The following ABCA10 variants were observed in gnomAD, a reference collection of about 807,000 sequenced individuals.
ABCA10 encodes ATP binding cassette subfamily A member 10.
A neutral mutation model predicts 187.5 loss-of-function variants in ABCA10; 169 were observed. That is an observed-to-expected ratio of 0.90 (90% CI 0.80 to 1.02). The LOEUF (loss-of-function observed/expected upper bound fraction) is 1.02, where lower values mean the gene tolerates loss of function less well. ABCA10 is among the 50% of genes least tolerant of loss of function. The pLI is 0.00. For synonymous variants in ABCA10, 574 were observed against 601.8 expected (o/e 0.95, Z 0.68); for missense variants, 1,727 against 1,812.4 (o/e 0.95, Z 0.86).
At chr17:69,210,491 T>C (rs922744761) in intron 9 of ABCA10, among the ~76,000 whole-genome samples, 1 of 151,908 alleles carries the variant, frequency 6.6e-6, no homozygotes, top group Non-Finnish European at 1.5e-5. Context: ...GCCCGGCCTT[T>C]AGTGGTTATT....
At chr17:69,206,781 G>T (rs2074595072) in intron 9 of ABCA10, among the ~76,000 whole-genome samples, 2 of 152,132 alleles carry the variant, frequency 1.3e-5, no homozygotes, top group African/African-American at 4.8e-5. Context: ...ATGGAGTAAA[G>T]ACTTAAAAGT....
intron 27 of ABCA10, among the ~76,000 whole-genome samples, chr17:69,157,911 AG>A (rs1041387008): frequency 2.6e-5 from 4 of 151,862 alleles, no homozygotes; most frequent in Non-Finnish European, 4.4e-5. Flanking sequence ...GACCTTAGGG[AG>A]GGGGGGATTT....
At chr17:69,180,050 T>C (rs950695381) in intron 22 of ABCA10, among the ~76,000 whole-genome samples, 2 of 152,206 alleles carry the variant, frequency 1.3e-5, no homozygotes, top group African/African-American at 4.8e-5. Context: ...GTAATGATAA[T>C]AATGGCTCAT....
Position 69,156,883 on chromosome 17 carries a change from C to T in ABCA10, c.3404G>A (p.Cys1135Tyr), listed in dbSNP as rs2074178537. Residue 1135 changes from cysteine to tyrosine, a missense_variant, in exon 28 of 39, where the codon TGT (cysteine) becomes TAT (tyrosine). Transcript: ENST00000690296. ...QSVIFLFVIR[C>Y]LEMKYGNEIM... ...TTCATTTCCATACTTCATTTCCAGA[C>T]ACCTTATGACAAAAAGGAAAATAAC... 1.3e-6 allele frequency: 2 copies of T among 1,586,998 alleles called. No homozygotes were observed. The highest frequency in any genetic ancestry group is 1.7e-6 in the Non-Finnish European group (2 of 1,167,516).
At chr17:69,211,665 G>GT in intron 9 of ABCA10, among the ~76,000 whole-genome samples, 1 of 152,050 alleles carries the variant, frequency 6.6e-6, no homozygotes, top group African/African-American at 2.4e-5. Flanking sequence ...CTCACTGCTT[G>GT]TTATTGGTCT....
At position 69,182,882 on chromosome 17, in the gene ABCA10, T is replaced by C. The variant is rs571797489; in HGVS notation, c.2498-74A>G. On this transcript the variant is annotated intron_variant, in intron 20 of 38. Transcript: ENST00000690296. The stretch of plus-strand genomic sequence containing the variant: ...AAATCAAAGTCAAAGCTTAAAATAA[T>C]AATGATTGCCAATCGTGTTAAGAAA... 4.7e-6 allele frequency: 7 copies of C among 1,504,590 alleles called. No individual in the cohort carries two copies. In the African/African-American group the frequency reaches 7.1e-5, roughly 15 times the overall value. 93.2% of individuals were successfully genotyped at this position (1,504,590 alleles called of 1,614,324 possible).
rs756631105 is a variant in ABCA10, at chr17:69,174,389, T to G, written c.3054A>C (p.Val1018=). The G allele has an allele frequency of 1.4e-5, 22 of 1,584,914 alleles. 1 individual carries two copies. The highest frequency in any genetic ancestry group is 5.6e-5 in the Admixed American group (3 of 53,544). ...GAGAAACTGCACAACCAATTATGCA[T>G]ACCACCTGCAAATAATGAGGATCAA... ...LSWELMFVLV[V]CIIGCAVSLI... is the part of the protein sequence containing the mutation. The change falls in exon 25 of 39, where the codon GTA becomes GTC. Residue 1018 remains valine, a synonymous_variant. Transcript: ENST00000690296.
rs1271135569 is a variant in ABCA10, at chr17:69,152,149, A to G, written c.4291T>C (p.Phe1431Leu). 1.2e-6 allele frequency: 2 copies of G among 1,613,348 alleles called. No individual in the cohort carries two copies. ...ATTTCTAGTAAATAATCTCTACCAA[A>G]CTTGTTTTTCAGATGTTGAATGGAA... The part of the protein sequence containing the change: ...IGSIQHLKNK[F>L]GRDYLLEIKM... The change falls in exon 36 of 39, where the codon TTT becomes CTT. Residue 1431 changes from phenylalanine to leucine, a missense_variant. Coordinates refer to ENST00000690296, the MANE Select transcript of ABCA10 (RefSeq NM_001377321.1).
intron 4 of ABCA10, 55 bp downstream of exon 4, chr17:69,222,478 C>T: frequency 7.4e-7 from 1 of 1,355,400 alleles, no homozygotes; most frequent in Non-Finnish European, 9.9e-7. Flanking sequence ...TCATTCCAAA[C>T]AGGGGATTCC....
chr17:69,207,120 C>A (rs1360851888), intron 9 of ABCA10, among the ~76,000 whole-genome samples: 2 of 151,922 alleles, frequency 1.3e-5, no homozygotes, highest in Non-Finnish European at 2.9e-5. Context: ...ATAAAAATGG[C>A]CAAGAAGAAT....
At chr17:69,239,698 C>T (rs969021415) in intron 1 of ABCA10, among the ~76,000 whole-genome samples, 4 of 152,058 alleles carry the variant, frequency 2.6e-5, no homozygotes, top group Admixed American at 1.3e-4. Context: ...TGCTGCCACC[C>T]GGCCTCTATT....
intron 27 of ABCA10, among the ~76,000 whole-genome samples, chr17:69,160,639 GAATA>G (rs2074210204): frequency 6.6e-6 from 1 of 151,706 alleles, no homozygotes; most frequent in African/African-American, 2.4e-5. Flanking sequence ...CAAATAACTT[GAATA>G]AATATTTCTC....
intron 20 of ABCA10, 53 bp downstream of exon 20, chr17:69,185,424 C>T: frequency 6.5e-7 from 1 of 1,542,878 alleles, no homozygotes; most frequent in Non-Finnish European, 8.8e-7. Flanking sequence ...TATGTGCTTT[C>T]TAAAGATCTT....
chr17:69,226,905 T>C (rs2074798143), intron 2 of ABCA10, among the ~76,000 whole-genome samples: 1 of 151,860 alleles, frequency 6.6e-6, no homozygotes, highest in African/African-American at 2.4e-5. Context: ...CTGCAAAAGA[T>C]TATTTTTCAG....
rs59069489 is a variant in ABCA10 at position 69,195,554 on chromosome 17, C to CTTTTTTTT, written c.1235-1067_1235-1060dup. On this transcript the variant is annotated intron_variant, in intron 11 of 38. Transcript: ENST00000690296. ...AGCATTATCAAACAATGAAGTTTTT[C>CTTTTTTTT]TTTTTTTTTTTTTTTTTTAGTATTT... is the stretch of plus-strand genomic sequence containing the variant. 1.8e-3 allele frequency among the ~76,000 whole-genome samples: 185 copies of CTTTTTTTT among 102,874 alleles called. 11 individuals are homozygous for CTTTTTTTT. The highest frequency in any genetic ancestry group is 6.6e-3 in the African/African-American group (158 of 24,078). The allele number at this position is 102,874 out of a possible 152,430, so 67.5% of individuals were successfully genotyped here.
intron 9 of ABCA10, among the ~76,000 whole-genome samples, chr17:69,203,692 T>C (rs904743118): frequency 3.9e-5 from 6 of 152,218 alleles, no homozygotes; most frequent in African/African-American, 1.4e-4. Context: ...TGAAAGAGCC[T>C]ACATACACTA....
intron 20 of ABCA10, 103 bp downstream of exon 20, chr17:69,185,374 G>A: frequency 2.5e-6 from 3 of 1,191,300 alleles, no homozygotes; most frequent in Non-Finnish European, 3.4e-6. Flanking sequence ...AATGGAGCAA[G>A]CTGGATAGAC....
chr17:69,166,960 C>T (rs140560886), intron 25 of ABCA10, among the ~76,000 whole-genome samples: 2 of 152,068 alleles, frequency 1.3e-5, no homozygotes, highest in African/African-American at 4.8e-5. Flanking sequence ...ATCAGTACTG[C>T]CATTATCTAT....
chr17:69,226,311 C>A (rs1373418905), intron 2 of ABCA10, among the ~76,000 whole-genome samples: 1 of 152,016 alleles, frequency 6.6e-6, no homozygotes, highest in African/African-American at 2.4e-5. Context: ...TCTGGATTGA[C>A]ATACTTTTTT....
Sources: allele counts gnomAD v4.1 joint callset (sites outside exome capture counted in the v4.1 genomes callset), GRCh38; gene constraint gnomAD v4.1.1; transcripts MANE v1.5; gene names NCBI Gene and HGNC (gene_info 2026-07-23, HGNC 2026-07-21).